PLEKHM3: variants seen among roughly 807,000 people sequenced by gnomAD.
The protein encoded by PLEKHM3 is pleckstrin homology domain containing M3.
PLEKHM3 carries 45 observed loss-of-function variants against 81.8 expected under a neutral mutation model. That is an observed-to-expected ratio of 0.55 (90% confidence interval 0.43 to 0.71). PLEKHM3 has a LOEUF of 0.71. Ranked by LOEUF, PLEKHM3 falls within the 30% of genes least tolerant of loss-of-function variation. PLEKHM3 has a pLI of 0.00. For synonymous variants in PLEKHM3, 352 were observed against 356.4 expected (o/e 0.99, Z 0.14); for missense variants, 788 against 924.3 (o/e 0.85, Z 1.91).
intron 3 of PLEKHM3, among the ~76,000 whole-genome samples, chr2:207,949,896 C>T (rs1001342287): frequency 1.3e-5 from 2 of 152,162 alleles, no homozygotes; most frequent in Non-Finnish European, 2.9e-5. Flanking sequence ...TTCTAATTTT[C>T]TGGATGCAAC....
chr2:208,003,326 A>C (rs902278548), intron 1 of PLEKHM3, among the ~76,000 whole-genome samples: 1 of 152,218 alleles, frequency 6.6e-6, no homozygotes, highest in African/African-American at 2.4e-5. Context: ...GCAGTGTGAA[A>C]ACGGACTAAT....
intron 3 of PLEKHM3, among the ~76,000 whole-genome samples, chr2:207,946,844 T>TC (rs1165322825): frequency 6.6e-6 from 1 of 152,196 alleles, no homozygotes; most frequent in African/African-American, 2.4e-5. Flanking sequence ...TGCTCAGAAC[T>TC]CCATTTCCAC....
intron 1 of PLEKHM3, among the ~76,000 whole-genome samples, chr2:208,018,984 CA>C (rs756560377): frequency 1.1e-3 from 152 of 136,580 alleles, no homozygotes; most frequent in Non-Finnish European, 1.0e-3. Context: ...CTGCATCTCA[CA>C]AAAAAAAAAA....
At chr2:207,930,833 C>T (rs1689566781) in intron 5 of PLEKHM3, 93 bp downstream of exon 5, 5 of 1,392,298 alleles carry the variant, frequency 3.6e-6, no homozygotes, top group African/African-American at 1.5e-5. Context: ...AGAGGCGGTC[C>T]GTGCTGGAAA....
intron 3 of PLEKHM3, among the ~76,000 whole-genome samples, chr2:207,957,866 G>A (rs1440509585): frequency 6.6e-6 from 1 of 152,200 alleles, no homozygotes; most frequent in Admixed American, 6.5e-5. Flanking sequence ...AAGGGAGATT[G>A]TTGTCCCAAC....
intron 6 of PLEKHM3, chr2:207,901,368 C>A (rs530566667): frequency 6.5e-5 from 46 of 702,714 alleles, no homozygotes; most frequent in Non-Finnish European, 6.5e-5. Context: ...TTGCTAATCA[C>A]CTGCTTTAAC....
At chr2:207,942,860 A>C (rs1689990933) in intron 4 of PLEKHM3, among the ~76,000 whole-genome samples, 1 of 152,178 alleles carries the variant, frequency 6.6e-6, no homozygotes, top group African/African-American at 2.4e-5. Context: ...AGATTGCACC[A>C]CTGAACTCCA....
chr2:207,925,823 C>T (rs1329462283), intron 5 of PLEKHM3, among the ~76,000 whole-genome samples: 1 of 152,162 alleles, frequency 6.6e-6, no homozygotes, highest in Non-Finnish European at 1.5e-5. Context: ...CACCCCAACA[C>T]ATCTTCTGAG....
In PLEKHM3 at chr2:207,843,643, C is replaced by T. The variant is rs975840334; in HGVS notation, c.2109-15147G>A. Among the ~76,000 whole-genome samples the T allele has an allele frequency of 6.6e-5, 10 of 152,166 alleles. No individual in the cohort carries two copies. ...TTCCACGCTGCCTCCCTCTCTGACTCCTGTGTCTTCTGCTACCAAGGGAAA... is the reference window on the plus strand; with the variant it reads ...TTCCACGCTGCCTCCCTCTCTGACTTCTGTGTCTTCTGCTACCAAGGGAAA... On this transcript the variant is annotated intron_variant, in intron 7 of 7. Transcript: ENST00000427836. This position sits in a 1 kb window ranked among gnomAD's most constrained non-coding sequence, Gnocchi z 4.4.
chr2:207,828,220 T>G lies in PLEKHM3; in HGVS notation c.*99A>C. 2 of 1,185,950 alleles carry G rather than the reference T, an allele frequency of 1.7e-6. No homozygotes were observed. The highest frequency in any genetic ancestry group is 2.4e-6 in the Non-Finnish European group (2 of 837,402). The allele number at this position is 1,185,950 out of a possible 1,614,324, so 73.5% of individuals were successfully genotyped here. On this transcript the variant is annotated 3_prime_UTR_variant, in exon 8 of 8. Transcript: ENST00000427836. Reference sequence around the variant, plus strand: ...TCTATATCTAGTTGAAGAGGATACATACTCTTCTTCCAAAGGGGTCTAACT... The same window carrying G: ...TCTATATCTAGTTGAAGAGGATACAGACTCTTCTTCCAAAGGGGTCTAACT...
chr2:207,946,799 C>T lies in PLEKHM3; in HGVS notation c.1547-287G>A, dbSNP rs145950893. Among the ~76,000 whole-genome samples, 37 of 152,338 alleles carry T rather than the reference C, an allele frequency of 2.4e-4. No homozygotes were observed. In the East Asian group the frequency reaches 7.1e-3, roughly 29 times the overall value. ...CTGCATACAGCTGCCAGAGATCAGT[C>T]TCTCTACAACCTCGCCTTTATCTCC... On this transcript the variant is annotated intron_variant, in intron 3 of 7. Coordinates refer to ENST00000427836, the MANE Select transcript of PLEKHM3 (RefSeq NM_001080475.3).
At chr2:207,841,103 G>T (rs947269301) in intron 7 of PLEKHM3, among the ~76,000 whole-genome samples, 1 of 151,538 alleles carries the variant, frequency 6.6e-6, no homozygotes, top group East Asian at 1.9e-4. Context: ...ACAGACGCCC[G>T]GACAACTCTT....
intron 6 of PLEKHM3, among the ~76,000 whole-genome samples, chr2:207,865,799 A>ATATATAT (rs1227503454): frequency 2.3e-4 from 8 of 35,096 alleles, no homozygotes; most frequent in African/African-American, 1.4e-3. Flanking sequence ...AAAAAAAAAA[A>ATATATAT]AAAGATATAT....
chr2:207,924,190 C>T (rs1043923820), intron 5 of PLEKHM3, among the ~76,000 whole-genome samples: 2 of 151,612 alleles, frequency 1.3e-5, no homozygotes, highest in African/African-American at 4.8e-5. Context: ...CAAGTGTGAG[C>T]TGCTGCGCCT....
chr2:207,890,377 C>T (rs1350036095), intron 6 of PLEKHM3, among the ~76,000 whole-genome samples: 1 of 152,130 alleles, frequency 6.6e-6, no homozygotes, highest in Non-Finnish European at 1.5e-5. Flanking sequence ...CCTGTAATCC[C>T]AGCACTTTGG....
intron 5 of PLEKHM3, among the ~76,000 whole-genome samples, chr2:207,917,335 G>A (rs964928542): frequency 6.6e-6 from 1 of 152,206 alleles, no homozygotes. Flanking sequence ...TGAGCTTAAA[G>A]AAGTGTTATC....
At chr2:207,905,413 A>G (rs1688569656) in intron 6 of PLEKHM3, among the ~76,000 whole-genome samples, 1 of 152,254 alleles carries the variant, frequency 6.6e-6, no homozygotes, top group Non-Finnish European at 1.5e-5. Context: ...TGGTTGGGTC[A>G]GTTAGGTAGG....
At chr2:208,019,039 C>T (rs1171915756) in intron 1 of PLEKHM3, among the ~76,000 whole-genome samples, 1 of 151,838 alleles carries the variant, frequency 6.6e-6, no homozygotes, top group East Asian at 1.9e-4. Flanking sequence ...GTGGCTCACA[C>T]CTGTAATCCC....
chr2:207,957,076 C>T (rs1374577261), intron 3 of PLEKHM3, among the ~76,000 whole-genome samples: 1 of 152,012 alleles, frequency 6.6e-6, no homozygotes, highest in Non-Finnish European at 1.5e-5. Flanking sequence ...GTTAAAGATG[C>T]TCATGATGTT....
Sources: gnomAD v4.1 joint callset for allele counts (sites outside exome capture counted in the v4.1 genomes callset) on GRCh38, gnomAD v4.1.1 for gene constraint, Gnocchi (gnomAD v3.1) non-coding constraint, MANE v1.5 for transcripts, NCBI Gene and HGNC (gene_info 2026-07-23, HGNC 2026-07-21) for gene names.